PDE4D: variants seen among roughly 807,000 people sequenced by gnomAD.
The protein encoded by PDE4D is 3',5'-cyclic-AMP phosphodiesterase 4D.
PDE4D carries 24 observed loss-of-function variants against 87.4 expected under a neutral mutation model. That is an observed-to-expected ratio of 0.27 (90% CI 0.20 to 0.39). PDE4D has a LOEUF of 0.39. PDE4D is among the 10% of genes least tolerant of loss of function. The pLI, the probability that PDE4D is intolerant of heterozygous loss-of-function variation, is 1.00. For missense variants in PDE4D, 714 were observed against 1,041.0 expected (o/e 0.69, Z 4.32); for synonymous variants, 384 against 383.2 (o/e 1.00, Z -0.02).
rs1477380815 is a variant in PDE4D, at chr5:59,114,555, G to A, written c.808+66040C>T. Among the ~76,000 whole-genome samples the A allele has an allele frequency of 2.6e-5, 4 of 152,074 alleles. No individual in the cohort carries two copies. The East Asian group carries it at 7.7e-4, about 29-fold the overall frequency. ...TTCTATATAAATTTAGGGGCTTTCA[G>A]CAAACAGGTGGTAATTAAAATAAGA... On this transcript the variant is annotated intron_variant, in intron 5 of 14. Transcript: ENST00000340635.
chr5:60,462,455 G>A (rs1366820974), intron 1 of PDE4D, among the ~76,000 whole-genome samples: 1 of 152,144 alleles, frequency 6.6e-6, no homozygotes, highest in Non-Finnish European at 1.5e-5. Context: ...GGGGGGTCTT[G>A]TCCTGGGCCC....
At chr5:59,653,564 A>T (rs1283426106) in intron 1 of PDE4D, among the ~76,000 whole-genome samples, 2 of 152,166 alleles carry the variant, frequency 1.3e-5, no homozygotes, top group Non-Finnish European at 2.9e-5. Context: ...AGGACATAGT[A>T]CTCTGTAGGA....
At chr5:59,817,707 G>A (rs2152685100) in intron 1 of PDE4D, among the ~76,000 whole-genome samples, 1 of 151,808 alleles carries the variant, frequency 6.6e-6, no homozygotes, top group South Asian at 2.1e-4. Context: ...TCCCTACACA[G>A]GCATGCAGGC....
intron 3 of PDE4D, among the ~76,000 whole-genome samples, chr5:59,932,475 A>G (rs989529375): frequency 6.6e-6 from 1 of 152,188 alleles, no homozygotes; most frequent in Non-Finnish European, 1.5e-5. Context: ...TAGTAAGTTC[A>G]TTTGCTTAGC....
intron 2 of PDE4D, among the ~76,000 whole-genome samples, chr5:60,175,469 A>G (rs1277240526): frequency 6.6e-6 from 1 of 152,000 alleles, no homozygotes; most frequent in East Asian, 1.9e-4. Flanking sequence ...GCCTTTTCAT[A>G]TGGTCATAAT....
intron 1 of PDE4D, among the ~76,000 whole-genome samples, chr5:59,786,546 ATC>A (rs1360084928): frequency 1.3e-5 from 2 of 152,212 alleles, no homozygotes; most frequent in Non-Finnish European, 2.9e-5. Flanking sequence ...TTGGAATTGG[ATC>A]TTGACATTCT....
chr5:60,128,581 C>A (rs1779313403), intron 2 of PDE4D, among the ~76,000 whole-genome samples: 2 of 152,150 alleles, frequency 1.3e-5, no homozygotes, highest in South Asian at 4.1e-4. Context: ...TCTGGGTGAC[C>A]AGGTGGAAGG....
chr5:60,053,327 T>C (rs1342932359), intron 2 of PDE4D, among the ~76,000 whole-genome samples: 1 of 152,214 alleles, frequency 6.6e-6, no homozygotes, highest in Non-Finnish European at 1.5e-5. Context: ...AGCATGGTAC[T>C]GGTACCAAAA....
At chr5:58,998,964 CA>C (rs1169863927) in intron 6 of PDE4D, among the ~76,000 whole-genome samples, 14 of 141,980 alleles carry the variant, frequency 9.9e-5, no homozygotes, top group African/African-American at 3.4e-4. Context: ...TTCAGTTTTG[CA>C]AGTATAATAG....
intron 1 of PDE4D, among the ~76,000 whole-genome samples, chr5:59,466,354 C>T (rs1316024973): frequency 6.6e-6 from 1 of 152,238 alleles, no homozygotes; most frequent in African/African-American, 2.4e-5. Flanking sequence ...CCTCCAAAAA[C>T]CTGCCTCTAG....
intron 1 of PDE4D, among the ~76,000 whole-genome samples, chr5:59,307,712 C>T (rs1241155102): frequency 1.3e-5 from 2 of 151,928 alleles, no homozygotes; most frequent in East Asian, 1.9e-4. Flanking sequence ...CAGGAAACAA[C>T]AGGTGCTGGA....
intron 1 of PDE4D, among the ~76,000 whole-genome samples, chr5:59,827,344 A>G (rs146395616): frequency 6.6e-6 from 1 of 152,088 alleles, no homozygotes; most frequent in Non-Finnish European, 1.5e-5. Flanking sequence ...TGATTTCAGG[A>G]CCCTAAAGAA....
chr5:59,855,256 C>T (rs1183419905), intron 1 of PDE4D, among the ~76,000 whole-genome samples: 2 of 152,144 alleles, frequency 1.3e-5, no homozygotes, highest in Non-Finnish European at 1.5e-5. Context: ...CACACTATCA[C>T]GCTTCCTCTA....
At chr5:60,382,532 G>C (rs16877970) in intron 1 of PDE4D, among the ~76,000 whole-genome samples, 1 of 151,964 alleles carries the variant, frequency 6.6e-6, no homozygotes, top group African/African-American at 2.4e-5. Context: ...ATTCTCATGT[G>C]CTTTTAGACT....
At position 59,614,002 on chromosome 5, in the gene PDE4D, T is replaced by C. The variant is rs528923865; in HGVS notation, c.455+279166A>G. Among the ~76,000 whole-genome samples, 258 of 152,236 alleles carry C rather than the reference T, an allele frequency of 1.7e-3. 2 individuals carry two copies. Among genetic ancestry groups the C allele is most frequent in the African/African-American group, 6.0e-3 (249 of 41,536 alleles). ...TTTTCTTAATTTTTTTACAAAAAAA[T>C]TTTTCTATAACTCAAAAAAATATTT... On this transcript the variant is annotated intron_variant, in intron 1 of 14. Coordinates refer to ENST00000340635, the MANE Select transcript of PDE4D (RefSeq NM_001104631.2).
chr5:59,918,767 ATTC>A (rs2152776799), intron 3 of PDE4D, among the ~76,000 whole-genome samples: 1 of 152,234 alleles, frequency 6.6e-6, no homozygotes, highest in South Asian at 2.1e-4. Flanking sequence ...AAGGAAATTA[ATTC>A]TCTCATTATC....
At chr5:59,714,825 T>G (rs1021295618) in intron 1 of PDE4D, among the ~76,000 whole-genome samples, 2 of 152,252 alleles carry the variant, frequency 1.3e-5, no homozygotes, top group Non-Finnish European at 2.9e-5. Context: ...ATGCTCCTCT[T>G]GCCTAGAATT....
At chr5:60,411,587 T>G (rs928337864) in intron 1 of PDE4D, among the ~76,000 whole-genome samples, 1 of 152,210 alleles carries the variant, frequency 6.6e-6, no homozygotes, top group Non-Finnish European at 1.5e-5. Context: ...ATTTATTTTA[T>G]ACTAAAAGCA....
At chr5:60,412,841 T>C (rs1742155511) in intron 1 of PDE4D, among the ~76,000 whole-genome samples, 1 of 152,186 alleles carries the variant, frequency 6.6e-6, no homozygotes, top group African/African-American at 2.4e-5. Flanking sequence ...TATAGCATTA[T>C]TTCCTATAAC....
Sources: gnomAD v4.1 joint callset for allele counts (sites outside exome capture counted in the v4.1 genomes callset) on GRCh38, gnomAD v4.1.1 for gene constraint, MANE v1.5 for transcripts, NCBI Gene and HGNC (gene_info 2026-07-23, HGNC 2026-07-21) for gene names.